DACH2: variants seen among roughly 807,000 people sequenced by gnomAD.
DACH2 encodes the protein dachshund family transcription factor 2.
A neutral mutation model predicts 35.8 loss-of-function variants in DACH2; 17 were observed. The observed-to-expected ratio is 0.48, with a 90% CI of 0.33 to 0.71. The LOEUF (loss-of-function observed/expected upper bound fraction) is 0.71, where lower values mean the gene tolerates loss of function less well. Among genes scored for constraint, DACH2 ranks in the 30% least tolerant of loss-of-function variants. DACH2 has a pLI of 0.02. For missense variants in DACH2, 469 were observed against 472.7 expected (o/e 0.99, Z 0.07); for synonymous variants, 195 against 177.3 (o/e 1.10, Z -0.79).
intron 5 of DACH2, among the ~76,000 whole-genome samples, chrX:86,697,093 G>A (rs1159533278): frequency 9.0e-6 from 1 of 111,357 alleles, no homozygotes; most frequent in Non-Finnish European, 1.9e-5. Flanking sequence ...CTCACCTAAG[G>A]ACTTATGGGA....
intron 3 of DACH2, among the ~76,000 whole-genome samples, chrX:86,540,981 G>T (rs2038872401): frequency 9.0e-6 from 1 of 111,630 alleles, no homozygotes; most frequent in Admixed American, 9.6e-5. Context: ...GTTCTTATGA[G>T]CTGAGGGACA....
intron 2 of DACH2, among the ~76,000 whole-genome samples, chrX:86,465,642 A>G (rs1279885482): frequency 8.9e-6 from 1 of 112,223 alleles, no homozygotes; most frequent in African/African-American, 3.2e-5. Flanking sequence ...TACATCAGAA[A>G]GAGATCCCTC....
At chrX:86,421,111 C>T (rs1033138481) in intron 2 of DACH2, among the ~76,000 whole-genome samples, 13 of 111,566 alleles carry the variant, frequency 1.2e-4, no homozygotes, top group East Asian at 5.6e-4. Context: ...TTAATATACA[C>T]GTGTACACGG....
At chrX:86,433,975 AT>A (rs1275724746) in intron 2 of DACH2, among the ~76,000 whole-genome samples, 1 of 111,769 alleles carries the variant, frequency 8.9e-6, no homozygotes, top group African/African-American at 3.3e-5. Flanking sequence ...ACAGAAGGTA[AT>A]CTACAGCATC....
At chrX:86,290,681 T>A (rs2034266428) in intron 1 of DACH2, among the ~76,000 whole-genome samples, 1 of 104,643 alleles carries the variant, frequency 9.6e-6, no homozygotes, top group South Asian at 4.6e-4. Context: ...AAATAGGGAA[T>A]CCTTTCCCCA....
intron 6 of DACH2, among the ~76,000 whole-genome samples, chrX:86,736,543 A>C (rs1010434626): frequency 9.9e-5 from 11 of 111,049 alleles, no homozygotes; most frequent in African/African-American, 3.6e-4. Flanking sequence ...TATCAATTGC[A>C]TTTTTGTTAA....
At chrX:86,221,854 G>T (rs534800317) in intron 1 of DACH2, among the ~76,000 whole-genome samples, 53 of 112,068 alleles carry the variant, frequency 4.7e-4, no homozygotes, top group African/African-American at 1.7e-3. Context: ...CAAGGTGTTG[G>T]GCAGGTTTAA....
chrX:86,831,224 G>A (rs2042608643), intron 11 of DACH2: 1 of 111,417 alleles, frequency 9.0e-6, no homozygotes, highest in African/African-American at 3.3e-5. Context: ...TAATAAGCTT[G>A]ACCAGATTGA....
chrX:86,461,580 C>T (rs2037574134), intron 2 of DACH2, among the ~76,000 whole-genome samples: 1 of 111,130 alleles, frequency 9.0e-6, no homozygotes. Flanking sequence ...AAAAGCTAAA[C>T]TACACCTTCT....
intron 1 of DACH2, among the ~76,000 whole-genome samples, chrX:86,261,001 T>G (rs746596532): frequency 1.8e-5 from 2 of 112,471 alleles, no homozygotes; most frequent in African/African-American, 6.4e-5. Flanking sequence ...CCAGTCTAAA[T>G]GATGCTTCCA....
At chrX:86,653,964 G>T (rs1463205935) in intron 4 of DACH2, among the ~76,000 whole-genome samples, 1 of 109,719 alleles carries the variant, frequency 9.1e-6, no homozygotes, top group Non-Finnish European at 1.9e-5. Flanking sequence ...ACTGCGCCCA[G>T]CCAATATTTT....
chrX:86,270,254 A>G (rs1342908843), intron 1 of DACH2, among the ~76,000 whole-genome samples: 1 of 109,860 alleles, frequency 9.1e-6, no homozygotes, highest in Non-Finnish European at 1.9e-5. Context: ...TTCCCAATCA[A>G]ATACTCTGTT....
intron 3 of DACH2, among the ~76,000 whole-genome samples, chrX:86,551,774 C>A (rs1466007472): frequency 1.8e-5 from 2 of 111,671 alleles, no homozygotes; most frequent in Non-Finnish European, 3.8e-5. Flanking sequence ...CTTATCATTT[C>A]TCAATCTTGT....
intron 3 of DACH2, among the ~76,000 whole-genome samples, chrX:86,538,370 CA>C (rs765083701): frequency 4.5e-5 from 5 of 111,709 alleles, no homozygotes; most frequent in Non-Finnish European, 7.5e-5. Flanking sequence ...CCTTCACCTC[CA>C]AATTATTCCA....
intron 2 of DACH2, among the ~76,000 whole-genome samples, chrX:86,506,987 T>C (rs777118887): frequency 8.9e-6 from 1 of 111,798 alleles, no homozygotes; most frequent in South Asian, 3.8e-4. Context: ...ATATCTACGA[T>C]TGTTCAAGGT....
intron 3 of DACH2, among the ~76,000 whole-genome samples, chrX:86,521,455 T>C (rs1037810697): frequency 7.2e-5 from 8 of 111,752 alleles, no homozygotes; most frequent in African/African-American, 2.3e-4. Context: ...TCTAGCAAGT[T>C]TGGGGAAGTC....
chrX:86,397,373 G>A (rs1268473090), intron 2 of DACH2, among the ~76,000 whole-genome samples: 1 of 111,246 alleles, frequency 9.0e-6, no homozygotes, highest in Non-Finnish European at 1.9e-5. Flanking sequence ...CTAATTGAAT[G>A]CCCTTTATTT....
chrX:86,625,238 G>A (rs1367666888), intron 3 of DACH2, among the ~76,000 whole-genome samples: 1 of 101,442 alleles, frequency 9.9e-6, no homozygotes, highest in East Asian at 2.9e-4. Context: ...GTGTGTGTGT[G>A]TGTGTGTGTG....
At chrX:86,719,509 A>T (rs1159763195) in intron 6 of DACH2, among the ~76,000 whole-genome samples, 1 of 111,473 alleles carries the variant, frequency 9.0e-6, no homozygotes, top group Non-Finnish European at 1.9e-5. Flanking sequence ...GCTGCTATGA[A>T]GAAATACCTG....
Sources: allele counts gnomAD v4.1 joint callset (sites outside exome capture counted in the v4.1 genomes callset), GRCh38; gene constraint gnomAD v4.1.1; transcripts MANE v1.5; gene names NCBI Gene and HGNC (gene_info 2026-07-23, HGNC 2026-07-21).